The following DENR variants were observed in gnomAD, a reference collection of about 807,000 sequenced individuals.
DENR encodes the protein density regulated re-initiation and release factor.
A neutral mutation model predicts 30.6 loss-of-function variants in DENR; 6 were observed. The ratio of observed to expected loss-of-function variants is 0.20; its 90% CI spans 0.11 to 0.39. DENR has a LOEUF of 0.39. DENR is among the 10% of genes least tolerant of loss of function. The probability of loss-of-function intolerance (pLI) is 1.00; values close to 1 mark genes in which losing one functional copy is unlikely to be tolerated. For missense variants in DENR, 141 were observed against 230.9 expected (o/e 0.61, Z 2.52); for synonymous variants, 78 against 72.1 (o/e 1.08, Z -0.41).
In DENR at chr12:122,769,074, A is replaced by T; in HGVS notation, c.593A>T (p.Lys198Met). The T allele has an allele frequency of 6.2e-7, 1 of 1,608,570 alleles. No individual in the cohort carries two copies. The highest frequency in any genetic ancestry group is 8.5e-7 in the Non-Finnish European group (1 of 1,178,082). Residue 198 changes from lysine (K) to methionine (M), a missense_variant, in exon 8 of 8, where the codon AAG becomes ATG. Coordinates refer to ENST00000280557, the MANE Select transcript of DENR (RefSeq NM_003677.5). ...DSIEDLGEVK[K>M] Reference sequence around the variant, plus strand: ...ATCGAAGATCTTGGAGAAGTAAAGAAGTGAATTTGAAAATTTGTCTGTATT... The same window carrying T: ...ATCGAAGATCTTGGAGAAGTAAAGATGTGAATTTGAAAATTTGTCTGTATT...
At chr12:122,768,406 G>A (rs1425590307) in intron 6 of DENR, among the ~76,000 whole-genome samples, 3 of 152,086 alleles carry the variant, frequency 2.0e-5, no homozygotes, top group South Asian at 2.1e-4. Flanking sequence ...GCTGAGTCAG[G>A]AGAATCGCTT....
In DENR at chr12:122,770,478, G is replaced by C; in HGVS notation, c.*1400G>C. 1 of 396,646 alleles carries C rather than the reference G, an allele frequency of 2.5e-6. No individual in the cohort carries two copies. The highest frequency in any genetic ancestry group is 4.4e-6 in the Non-Finnish European group (1 of 225,406). The allele number at this position is 396,646 out of a possible 1,614,324, so 24.6% of individuals were successfully genotyped here. ...AGAGAGGCTAGAGGTTCTTATTCTGGCTATAAATTATGTGAGTAAAATTGT... is the reference window on the plus strand; with the variant it reads ...AGAGAGGCTAGAGGTTCTTATTCTGCCTATAAATTATGTGAGTAAAATTGT... On this transcript the variant is annotated 3_prime_UTR_variant, in exon 8 of 8. Coordinates refer to ENST00000280557, the MANE Select transcript of DENR (RefSeq NM_003677.5).
chr12:122,768,728 A>G (rs1878915177), intron 6 of DENR, 54 bp from the exon 7 acceptor site: 3 of 1,439,906 alleles, frequency 2.1e-6, no homozygotes, highest in Admixed American at 2.7e-5. Context: ...ATGGAAAAAC[A>G]TCTTTGCACA....
chr12:122,759,103 C>G (rs1213250172), intron 2 of DENR, among the ~76,000 whole-genome samples: 1 of 152,002 alleles, frequency 6.6e-6, no homozygotes, highest in Non-Finnish European at 1.5e-5. Flanking sequence ...CTCGGCCTCC[C>G]AAAGTGCTGG....
chr12:122,759,579 G>A (rs1178483152), intron 2 of DENR, among the ~76,000 whole-genome samples: 1 of 152,136 alleles, frequency 6.6e-6, no homozygotes, highest in African/African-American at 2.4e-5. Context: ...AAATTAGCTG[G>A]GTGTGGTGGT....
intron 6 of DENR, among the ~76,000 whole-genome samples, chr12:122,767,851 A>G (rs1878887324): frequency 6.6e-6 from 1 of 152,220 alleles, no homozygotes; most frequent in South Asian, 2.1e-4. Context: ...ATGTGGGATG[A>G]GGACGGCTGG....
intron 2 of DENR, among the ~76,000 whole-genome samples, chr12:122,760,885 A>G (rs1878680746): frequency 6.6e-6 from 1 of 152,194 alleles, no homozygotes; most frequent in Non-Finnish European, 1.5e-5. Context: ...CTAGCTTTAC[A>G]CTTTCATGAT....
intron 1 of DENR, among the ~76,000 whole-genome samples, chr12:122,753,389 C>T (rs954504058): frequency 8.5e-5 from 13 of 152,114 alleles, no homozygotes; most frequent in African/African-American, 2.7e-4. Context: ...CCTTTTTGCT[C>T]CGTGTCTGCC....
rs1189239628 is a variant in DENR, at chr12:122,752,915, G to C, written c.-45G>C. 1 of 152,528 alleles carries C rather than the reference G, an allele frequency of 6.6e-6. No individual in the cohort carries two copies. Among genetic ancestry groups the C allele is most frequent in the Non-Finnish European group, 1.5e-5 (1 of 68,276 alleles). 9.4% of individuals were successfully genotyped at this position (152,528 alleles called of 1,614,324 possible). On this transcript the variant is annotated 5_prime_UTR_variant, in exon 1 of 8. Transcript: ENST00000280557. ...TGTTGGTTCAGCTGGCGATAGCGGC[G>C]GGAGCGGAGCCGGCGGGGCCTGTGC...
At chr12:122,757,513 A>G (rs1377567771) in intron 2 of DENR, among the ~76,000 whole-genome samples, 1 of 152,254 alleles carries the variant, frequency 6.6e-6, no homozygotes, top group Non-Finnish European at 1.5e-5. Flanking sequence ...ATGTTTGTAT[A>G]TTTAATCTTC....
intron 2 of DENR, among the ~76,000 whole-genome samples, chr12:122,760,764 G>T (rs913835683): frequency 6.6e-6 from 1 of 151,992 alleles, no homozygotes; most frequent in African/African-American, 2.4e-5. Context: ...ATAAGCAGTT[G>T]ACCCAGTATT....
At chr12:122,753,393 GT>G (rs1878466175) in intron 1 of DENR, among the ~76,000 whole-genome samples, 1 of 152,022 alleles carries the variant, frequency 6.6e-6, no homozygotes, top group Admixed American at 6.6e-5. Flanking sequence ...TTTGCTCCGT[GT>G]CTGCCGTGGG....
chr12:122,753,578 TCAA>T (rs1057250190), intron 1 of DENR, 112 bp from the exon 2 acceptor site: 10 of 742,366 alleles, frequency 1.3e-5, no homozygotes, highest in Non-Finnish European at 2.3e-5. Context: ...TATCCCCCAC[TCAA>T]CAACAGACTT....
At chr12:122,768,198 TAAAAAAG>T (rs950215676) in intron 6 of DENR, 1 of 152,566 alleles carries the variant, frequency 6.6e-6, no homozygotes, top group African/African-American at 2.4e-5. Flanking sequence ...TGACTAGCCT[TAAAAAAG>T]AAAAAAGAGG....
In DENR at chr12:122,753,728, C is replaced by T. The variant is rs752145058; in HGVS notation, c.27C>T (p.Ser9=). The change falls in exon 2 of 8, where the codon AGC becomes AGT. Residue 9 remains serine, a synonymous_variant. Transcript: ENST00000280557. Reference sequence around the variant, plus strand: ...TGGCTGCTGACATTTCTGAATCCAGCGGGGCTGACTGCAAAGGAGACCCAA... The same window carrying T: ...TGGCTGCTGACATTTCTGAATCCAGTGGGGCTGACTGCAAAGGAGACCCAA... MAADISES[S]GADCKGDPRN... 6.8e-6 allele frequency: 11 copies of T among 1,613,954 alleles called. No individual in the cohort carries two copies. Among genetic ancestry groups the T allele is most frequent in the Non-Finnish European group, 9.3e-6 (11 of 1,179,866 alleles).
At chr12:122,762,062 A>AG in intron 2 of DENR, 125 bp from the exon 3 acceptor site, 1 of 604,952 alleles carries the variant, frequency 1.7e-6, no homozygotes, top group Non-Finnish European at 2.7e-6. Flanking sequence ...AAAGTGGTAT[A>AG]GAAAACTTAT....
At chr12:122,754,542 C>T (rs1878498207) in intron 2 of DENR, among the ~76,000 whole-genome samples, 1 of 152,048 alleles carries the variant, frequency 6.6e-6, no homozygotes, top group South Asian at 2.1e-4. Flanking sequence ...TACTGTGTGC[C>T]TAGTGATGTT....
chr12:122,757,952 A>G (rs1195913305), intron 2 of DENR, among the ~76,000 whole-genome samples: 1 of 152,230 alleles, frequency 6.6e-6, no homozygotes, highest in East Asian at 1.9e-4. Flanking sequence ...ATTGAGGCTT[A>G]GTGACACTGT....
chr12:122,767,597 A>C lies in DENR; in HGVS notation c.405A>C (p.Ala135=). 6.3e-7 allele frequency: 1 copy of C among 1,586,282 alleles called. No homozygotes were observed. Among genetic ancestry groups the C allele is most frequent in the Non-Finnish European group, 8.6e-7 (1 of 1,166,180 alleles). ...KKYVTRVCGL[A]TFEIDLKEAQ... ...ATGTGACAAGAGTATGTGGCCTTGC[A>C]ACTTTTGGTGAGTTCAGGCTTAAGT... The change falls in exon 6 of 8, where the codon GCA becomes GCC. Residue 135 remains alanine (A), a synonymous_variant. Transcript: ENST00000280557.
Sources: allele counts gnomAD v4.1 joint callset (sites outside exome capture counted in the v4.1 genomes callset), GRCh38; gene constraint gnomAD v4.1.1; transcripts MANE v1.5; gene names NCBI Gene and HGNC (gene_info 2026-07-23, HGNC 2026-07-21).